The following DGKG variants were observed in gnomAD, a reference collection of about 807,000 sequenced individuals.
The protein encoded by DGKG is DAG kinase gamma.
A neutral mutation model predicts 105.3 loss-of-function variants in DGKG; 78 were observed. The ratio of observed to expected loss-of-function variants is 0.74; its 90% CI spans 0.62 to 0.89. The LOEUF is 0.89. DGKG is among the 40% of genes least tolerant of loss of function. DGKG has a pLI of 0.00. For missense variants in DGKG, 958 were observed against 1,020.1 expected (o/e 0.94, Z 0.83); for synonymous variants, 346 against 367.1 (o/e 0.94, Z 0.66).
At position 186,314,973 on chromosome 3, in the gene DGKG, C is replaced by A. The variant is rs149924915; in HGVS notation, c.67+5420G>T. Among the ~76,000 whole-genome samples, 427 of 152,194 alleles carry A rather than the reference C, an allele frequency of 2.8e-3. 1 individual carries two copies. The highest frequency in any genetic ancestry group is 9.4e-3 in the African/African-American group (390 of 41,502). Reference sequence around the variant, plus strand: ...AAATTGAAGAAAAAATGCCCACCCCCCAATGGCCACCAGCAATTATTGTTA... The same window carrying A: ...AAATTGAAGAAAAAATGCCCACCCCACAATGGCCACCAGCAATTATTGTTA... On this transcript the variant is annotated intron_variant, in intron 2 of 24. Transcript: ENST00000265022.
In DGKG at chr3:186,320,553, G is replaced by A. The variant is rs1560153302; in HGVS notation, c.-94C>T. On this transcript the variant is annotated 5_prime_UTR_variant, in exon 2 of 25. Coordinates refer to ENST00000265022, the MANE Select transcript of DGKG (RefSeq NM_001346.3). ...CAGCCCAGGGCCTGGCTCATTGCAG[G>A]TTTGCGATGTAAGCCTTTCAGGAGA... is the stretch of plus-strand genomic sequence containing the variant. The A allele has an allele frequency of 3.7e-6, 6 of 1,600,980 alleles. No homozygotes were observed. Among genetic ancestry groups the A allele is most frequent in the South Asian group, 1.1e-5 (1 of 89,414 alleles).
rs1367440957 is a variant in DGKG, at chr3:186,148,380, A to T, written c.*1710T>A. ...GGTGACATGTGGAGAGTTCAGTCTG[A>T]TGATCTGTTTAGTACCTTCGATCTC... is the stretch of plus-strand genomic sequence containing the variant. On this transcript the variant is annotated 3_prime_UTR_variant, in exon 25 of 25. Coordinates refer to ENST00000265022, the MANE Select transcript of DGKG (RefSeq NM_001346.3). 3 of 985,278 alleles carry T rather than the reference A, an allele frequency of 3.0e-6. No homozygotes were observed. The African/African-American group carries it at 5.2e-5, about 17-fold the overall frequency. The allele number at this position is 985,278 out of a possible 1,614,324, so 61.0% of individuals were successfully genotyped here. A position where few individuals can be genotyped will look rare whatever the true frequency, so the allele number is the denominator to read the frequency against.
rs759208642 is a variant in DGKG, at chr3:186,251,851, G to A, written c.1669C>T (p.Arg557Cys). The A allele has an allele frequency of 1.1e-5, 17 of 1,612,780 alleles. No homozygotes were observed. The highest frequency in any genetic ancestry group is 1.6e-4 in the Middle Eastern group (1 of 6,064). Residue 557 changes from arginine to cysteine, a missense_variant, in exon 19 of 25, where the codon CGC becomes TGC. Arg to Cys is a radical substitution (Grantham distance 180). Transcript: ENST00000265022. ...IEQSPLVMLD[R>C]WHLEVIPREE... ...CTGGGGATGACTTCCAGATGCCAGC[G>A]GTCCAGCATCACCAAGGGGCTCTGC... is the stretch of plus-strand genomic sequence containing the variant.
chr3:186,360,639 C>T (rs1727183095), intron 1 of DGKG, among the ~76,000 whole-genome samples: 1 of 152,106 alleles, frequency 6.6e-6, no homozygotes, highest in Admixed American at 6.5e-5. Context: ...TCGACATTTG[C>T]CCTCTATGAT....
chr3:186,188,416 C>T, intron 21 of DGKG, 37 bp from the exon 22 acceptor site: 2 of 1,606,370 alleles, frequency 1.2e-6, no homozygotes, highest in Non-Finnish European at 1.7e-6. Context: ...TGTTAGTGTC[C>T]TCAGTGTGTC....
intron 19 of DGKG, among the ~76,000 whole-genome samples, chr3:186,247,775 T>A (rs1182057734): frequency 6.6e-6 from 1 of 152,158 alleles, no homozygotes; most frequent in Non-Finnish European, 1.5e-5. Context: ...TAAACATGGA[T>A]AAGCTAAAGG....
chr3:186,253,239 A>G (rs939702982), intron 17 of DGKG, 57 bp from the exon 18 acceptor site: 22 of 1,431,106 alleles, frequency 1.5e-5, no homozygotes, highest in Non-Finnish European at 2.2e-5. Flanking sequence ...AGAATGTTTG[A>G]GTTGTCTTTT....
chr3:186,170,615 T>C (rs1716772192), intron 22 of DGKG, among the ~76,000 whole-genome samples: 3 of 152,172 alleles, frequency 2.0e-5, no homozygotes, highest in Admixed American at 1.3e-4. Context: ...AATGGAAAAT[T>C]TGAAATAATA....
intron 2 of DGKG, among the ~76,000 whole-genome samples, chr3:186,308,046 C>T (rs1379027513): frequency 6.6e-6 from 1 of 152,122 alleles, no homozygotes; most frequent in African/African-American, 2.4e-5. Flanking sequence ...GAAGATTTTC[C>T]TCTGAAAGTT....
At chr3:186,243,440 T>C (rs745325713) in intron 19 of DGKG, among the ~76,000 whole-genome samples, 3 of 152,094 alleles carry the variant, frequency 2.0e-5, no homozygotes, top group Non-Finnish European at 4.4e-5. Flanking sequence ...CCCTGGGTTC[T>C]ACCTGCGGCC....
intron 23 of DGKG, among the ~76,000 whole-genome samples, chr3:186,162,411 T>C (rs9826842): frequency 0.66 from 100,800 of 152,184 alleles, 33,752 homozygotes; most frequent in East Asian, 0.92. Flanking sequence ...GAAAGGGGAA[T>C]TGGCCTGGTC....
At chr3:186,188,451 TGCGTGC>T in intron 21 of DGKG, 72 bp from the exon 22 acceptor site, 1 of 1,394,364 alleles carries the variant, frequency 7.2e-7, no homozygotes, top group Non-Finnish European at 9.9e-7. Context: ...TCTGTGTGTG[TGCGTGC>T]GTGTGTGTGT....
chr3:186,276,546 C>T (rs547449016), intron 9 of DGKG, among the ~76,000 whole-genome samples: 26 of 152,290 alleles, frequency 1.7e-4, no homozygotes, highest in Middle Eastern at 3.4e-3. Flanking sequence ...TATCAACTTT[C>T]GGTACGCAGA....
chr3:186,280,790 G>T (rs1453223920), intron 7 of DGKG, 46 bp from the exon 8 acceptor site: 2 of 1,539,388 alleles, frequency 1.3e-6, no homozygotes, highest in Middle Eastern at 1.7e-4. Context: ...GACAACCAGA[G>T]ATGTGTCATT....
intron 17 of DGKG, among the ~76,000 whole-genome samples, chr3:186,257,272 C>T (rs1560118459): frequency 6.6e-6 from 1 of 152,138 alleles, no homozygotes; most frequent in Admixed American, 6.6e-5. Context: ...CCATCACTTA[C>T]TGGGGCTGAT....
intron 24 of DGKG, chr3:186,161,369 A>G: frequency 7.3e-7 from 1 of 1,379,150 alleles, no homozygotes; most frequent in Non-Finnish European, 9.4e-7. Context: ...AGTTGGTTCT[A>G]TGTCTCATTC....
intron 20 of DGKG, among the ~76,000 whole-genome samples, chr3:186,217,980 A>T (rs1256276533): frequency 6.6e-6 from 1 of 152,204 alleles, no homozygotes; most frequent in Admixed American, 6.5e-5. Flanking sequence ...CATAACTCAC[A>T]TAGTTAGTTA....
intron 5 of DGKG, among the ~76,000 whole-genome samples, chr3:186,297,068 T>TCTCTCACACACACACA (rs1452573661): frequency 7.7e-5 from 10 of 130,420 alleles, no homozygotes; most frequent in African/African-American, 2.9e-4. Context: ...TCTGTCTCTC[T>TCTCTCACACACACACA]CACACACACA....
At chr3:186,328,542 G>A (rs553265509) in intron 1 of DGKG, among the ~76,000 whole-genome samples, 1 of 151,238 alleles carries the variant, frequency 6.6e-6, no homozygotes, top group East Asian at 1.9e-4. Flanking sequence ...GTAGCTCAGT[G>A]CTTGAATTCA....
Sources: allele counts gnomAD v4.1 joint callset (sites outside exome capture counted in the v4.1 genomes callset), GRCh38; gene constraint gnomAD v4.1.1; transcripts MANE v1.5; gene names NCBI Gene and HGNC (gene_info 2026-07-23, HGNC 2026-07-21).